SPECC1: variants seen among roughly 807,000 people sequenced by gnomAD.
SPECC1 encodes the protein sperm antigen with calponin homology and coiled-coil domains 1, also known as cytospin-B.
In SPECC1, 62 loss-of-function variants were observed where a neutral mutation model predicts 104.1. The observed-to-expected ratio is 0.60, with a 90% CI of 0.49 to 0.74. SPECC1 has a LOEUF of 0.74. Ranked by LOEUF, SPECC1 falls within the 30% of genes least tolerant of loss-of-function variation. The pLI, the probability that SPECC1 is intolerant of heterozygous loss-of-function variation, is 0.00. For synonymous variants in SPECC1, 513 were observed against 501.6 expected (o/e 1.02, Z -0.30); for missense variants, 1,306 against 1,310.5 (o/e 1.00, Z 0.05).
chr17:20,132,751 ATTTG>A (rs1214371429), intron 3 of SPECC1, among the ~76,000 whole-genome samples: 2 of 135,514 alleles, frequency 1.5e-5, no homozygotes, highest in Non-Finnish European at 3.2e-5. Flanking sequence ...TTATTTATTT[ATTTG>A]TTGAGATGGA....
chr17:20,294,049 T>C (rs2041260131), intron 12 of SPECC1, among the ~76,000 whole-genome samples: 1 of 152,180 alleles, frequency 6.6e-6, no homozygotes, highest in African/African-American at 2.4e-5. Context: ...TGGTGCAATC[T>C]CAGCTCACTG....
chr17:20,033,762 C>T (rs2044928781), intron 1 of SPECC1, among the ~76,000 whole-genome samples: 1 of 152,194 alleles, frequency 6.6e-6, no homozygotes, highest in Non-Finnish European at 1.5e-5. Context: ...AATAAGGCCC[C>T]ACCTCCAGTA....
intron 14 of SPECC1, among the ~76,000 whole-genome samples, chr17:20,306,918 T>C (rs1392881634): frequency 1.4e-5 from 2 of 146,736 alleles, no homozygotes; most frequent in Non-Finnish European, 3.0e-5. Flanking sequence ...CTTGAGATGA[T>C]AAATAAGAGA....
At chr17:20,116,217 A>G (rs374633101) in intron 3 of SPECC1, among the ~76,000 whole-genome samples, 3 of 152,206 alleles carry the variant, frequency 2.0e-5, no homozygotes, top group East Asian at 1.9e-4. Context: ...CCTCCCGAGT[A>G]GCTTGGGACT....
At position 20,068,482 on chromosome 17, in the gene SPECC1, A is replaced by G. The variant is rs532924444; in HGVS notation, c.-21-28149A>G. Among the ~76,000 whole-genome samples, 3 of 152,208 alleles carry G rather than the reference A, an allele frequency of 2.0e-5. No individual in the cohort carries two copies. In the South Asian group the frequency reaches 6.2e-4, roughly 32 times the overall value. On this transcript the variant is annotated intron_variant, in intron 1 of 14. Transcript: ENST00000395527. ...GTTCTTGTTTGAACTTCTGTTTTCA[A>G]TTCTTTTGGATATATACCAAGGACT...
intron 1 of SPECC1, among the ~76,000 whole-genome samples, chr17:20,043,854 A>G (rs889128582): frequency 6.6e-6 from 1 of 152,202 alleles, no homozygotes; most frequent in East Asian, 1.9e-4. Flanking sequence ...CTGCTACTGT[A>G]TTCTTGGTGA....
In SPECC1 at chr17:20,021,683, A is replaced by AT. The variant is rs1481057431; in HGVS notation, c.-22+12259_-22+12260insT. ...CTGATATATATATATATAATATAAT[A>AT]ATATATATATATATATATATTTTTT... is the stretch of plus-strand genomic sequence containing the variant. On this transcript the variant is annotated intron_variant, in intron 1 of 14. Transcript: ENST00000395527. Among the ~76,000 whole-genome samples, 32 of 132,316 alleles carry AT rather than the reference A, an allele frequency of 2.4e-4. 1 individual carries two copies. In the East Asian group the frequency reaches 4.3e-3, roughly 18 times the overall value. 86.8% of individuals were successfully genotyped at this position (132,316 alleles called of 152,430 possible).
At position 20,204,231 on chromosome 17, in the gene SPECC1, G is replaced by A. The variant is rs185643064; in HGVS notation, c.284-102G>A. On this transcript the variant is annotated intron_variant, in intron 3 of 14. Transcript: ENST00000395527. ...GAGGAGGAGGAAATGGATGAAGAGC[G>A]ACAGCCACTGTCCACTGTGCCATGT... 20 of 1,376,400 alleles carry A rather than the reference G, an allele frequency of 1.5e-5. No individual in the cohort carries two copies. In the East Asian group the frequency reaches 2.1e-4, roughly 14 times the overall value. 85.3% of individuals were successfully genotyped at this position (1,376,400 alleles called of 1,614,324 possible).
chr17:20,230,518 T>TTGTTA lies in SPECC1; in HGVS notation c.2072-1239_2072-1238insGTTAT, dbSNP rs2038506683. 2.6e-5 allele frequency among the ~76,000 whole-genome samples: 4 copies of TTGTTA among 151,916 alleles called. No individual in the cohort carries two copies. The South Asian group carries it at 8.3e-4, about 32-fold the overall frequency. ...AAGTCAAGACAAGTTCTGTTTTGTT[T>TTGTTA]TTGTTTTTGTGATATTTTGCTGTTG... On this transcript the variant is annotated intron_variant, in intron 5 of 14. Transcript: ENST00000395527.
intron 3 of SPECC1, among the ~76,000 whole-genome samples, chr17:20,173,706 A>G (rs1461291341): frequency 6.6e-6 from 1 of 152,228 alleles, no homozygotes; most frequent in African/African-American, 2.4e-5. Flanking sequence ...AGCTAAGTGC[A>G]AAGTTGTGTG....
chr17:20,260,265 T>G lies in SPECC1; in HGVS notation c.2911T>G (p.Trp971Gly). ...TTCCAAGCGCAATGCTCTACTGAAA[T>G]GGTGCCAGAAGAAGACACAAGGTTA... is the stretch of plus-strand genomic sequence containing the variant. ...GGSKRNALLKWCQKKTQGYAN... is the reference protein window; with the variant it reads ...GGSKRNALLKGCQKKTQGYAN... Residue 971 changes from tryptophan (W) to glycine (G), a missense_variant, in exon 12 of 15, where the codon TGG becomes GGG. Trp to Gly is a radical substitution (Grantham distance 184). This residue lies in a region of SPECC1 where 129 missense variants were observed against 170.6 expected (regional missense o/e 0.76). Transcript: ENST00000395527. 1 of 1,613,984 alleles carries G rather than the reference T, an allele frequency of 6.2e-7. No homozygotes were observed.
At chr17:20,302,298 G>C (rs536773267) in intron 13 of SPECC1, among the ~76,000 whole-genome samples, 5 of 152,180 alleles carry the variant, frequency 3.3e-5, no homozygotes, top group Non-Finnish European at 5.9e-5. Flanking sequence ...TCCCAGGCCT[G>C]CACCATCATC....
At chr17:20,251,240 A>AAAAAAAAAAAAAAAAAAAAAAAAAC (rs1491006700) in intron 9 of SPECC1, among the ~76,000 whole-genome samples, 2 of 150,158 alleles carry the variant, frequency 1.3e-5, no homozygotes, top group African/African-American at 4.9e-5. Flanking sequence ...AAAAAAAAAA[A>AAAAAAAAAAAAAAAAAAAAAAAAAC]AGCATATGGT....
intron 1 of SPECC1, among the ~76,000 whole-genome samples, chr17:20,031,542 T>C (rs1178954639): frequency 6.6e-6 from 1 of 152,136 alleles, no homozygotes; most frequent in African/African-American, 2.4e-5. Flanking sequence ...TTTTTAAGTA[T>C]ACTGTTCAGT....
intron 1 of SPECC1, among the ~76,000 whole-genome samples, chr17:20,011,541 A>G (rs2043944128): frequency 1.3e-5 from 2 of 151,872 alleles, no homozygotes; most frequent in South Asian, 4.1e-4. Flanking sequence ...GACTTGCTTA[A>G]TGATTATTTT....
chr17:20,025,076 G>T (rs562453445), intron 1 of SPECC1, among the ~76,000 whole-genome samples: 1 of 152,184 alleles, frequency 6.6e-6, no homozygotes, highest in South Asian at 2.1e-4. Flanking sequence ...TCTTTTGGAA[G>T]TAGACTTCAC....
In SPECC1 at chr17:20,094,163, G is replaced by A. The variant is rs117074626; in HGVS notation, c.-21-2468G>A. ...AAGCCGAAGATGCTCAGGAAAGGGA[G>A]TGTGGGCAGCAGGAGGGGGATGGAT... On this transcript the variant is annotated intron_variant, in intron 1 of 14. Coordinates refer to ENST00000395527, the MANE Select transcript of SPECC1 (RefSeq NM_001243439.2). Among the ~76,000 whole-genome samples, 226 of 152,314 alleles carry A rather than the reference G, an allele frequency of 1.5e-3. 2 individuals carry two copies. In the East Asian group the frequency reaches 0.033, roughly 22 times the overall value.
intron 3 of SPECC1, among the ~76,000 whole-genome samples, chr17:20,114,621 G>A (rs555033426): frequency 6.6e-6 from 1 of 151,936 alleles, no homozygotes; most frequent in Non-Finnish European, 1.5e-5. Context: ...TACCCCAAGA[G>A]CAGGGATGTT....
At chr17:20,222,621 A>C (rs1421998979) in intron 4 of SPECC1, among the ~76,000 whole-genome samples, 1 of 152,154 alleles carries the variant, frequency 6.6e-6, no homozygotes, top group Non-Finnish European at 1.5e-5. Flanking sequence ...TTCATCTTTT[A>C]GTCTTTCTGT....
Sources: gnomAD v4.1 joint callset for allele counts (sites outside exome capture counted in the v4.1 genomes callset) on GRCh38, gnomAD v4.1.1 for gene constraint, gnomAD v4.1.1 regional missense constraint, MANE v1.5 for transcripts, NCBI Gene and HGNC (gene_info 2026-07-23, HGNC 2026-07-21) for gene names.